Variants in ANKRD11 observed in about 807,000 individuals in gnomAD.
The protein encoded by ANKRD11 is ankyrin repeat domain 11, also known as ankyrin repeat domain-containing protein 11.
Under a neutral mutation model 195.7 loss-of-function variants are expected in ANKRD11, and 17 were observed. The observed-to-expected ratio is 0.09, with a 90% CI of 0.06 to 0.13. The LOEUF (loss-of-function observed/expected upper bound fraction) is 0.13. ANKRD11 is among the 10% of genes least tolerant of loss of function. ANKRD11 has a pLI of 1.00. For missense variants in ANKRD11, 3,735 were observed against 3,566.1 expected, an observed-to-expected ratio of 1.05 and a Z score of -1.21; for synonymous variants, 1,953 against 1,528.1, an observed-to-expected ratio of 1.28 and a Z score of -6.49.
Position 89,283,257 on chromosome 16 carries a change from G to A in ANKRD11, c.3285C>T (p.Ile1095=), listed in dbSNP as rs769162546. The A allele has an allele frequency of 6.2e-7, 1 of 1,614,078 alleles. No homozygotes were observed. Among genetic ancestry groups the A allele is most frequent in the Non-Finnish European group, 8.5e-7 (1 of 1,180,026 alleles). ...EKKEKAFPGI[I]SEDFSEKKDD... is the part of the protein sequence containing the mutation. ...CTTTTTTTTCAGAGAAGTCTTCTGA[G>A]ATGATCCCAGGGAAAGCCTTCTCCT... The change falls in exon 9 of 13, where the codon ATC becomes ATT. Residue 1095 remains isoleucine, a synonymous_variant. Transcript: ENST00000301030. The surrounding 1 kb of genome is among the most constrained non-coding windows in gnomAD (Gnocchi z 4.3).
chr16:89,299,610 C>A (rs2151842663), intron 4 of ANKRD11: 3 of 161,360 alleles, frequency 1.9e-5, no homozygotes, highest in South Asian at 6.3e-5. Context: ...GGGGTGCCTG[C>A]CCTGTGTGGG....
intron 2 of ANKRD11, among the ~76,000 whole-genome samples, chr16:89,364,769 C>T (rs1005275488): frequency 6.6e-6 from 1 of 152,238 alleles, no homozygotes; most frequent in Non-Finnish European, 1.5e-5. Flanking sequence ...CCCTGTCAGA[C>T]TGTAAACACT....
Position 89,355,521 on chromosome 16 carries a change from C to T in ANKRD11, c.-59-38443G>A, listed in dbSNP as rs571782218. 7.2e-5 allele frequency among the ~76,000 whole-genome samples: 11 copies of T among 152,296 alleles called. No individual in the cohort carries two copies. The South Asian group carries it at 1.9e-3, about 26-fold the overall frequency. On this transcript the variant is annotated intron_variant, in intron 2 of 12. Transcript: ENST00000301030. ...TCAGGGGTGAACGTGGCCCCATGTC[C>T]GGCACATGCTCTGCTCTGAACGCTC... is the stretch of plus-strand genomic sequence containing the variant.
chr16:89,295,984 C>CTTTTTTTTT (rs1567600671), intron 4 of ANKRD11, among the ~76,000 whole-genome samples: 1 of 18,232 alleles, frequency 5.5e-5, no homozygotes, highest in African/African-American at 3.3e-4. Flanking sequence ...TATCTGGCTG[C>CTTTTTTTTT]CTTTTTTTTT....
At chr16:89,375,599 G>A (rs1318331821) in intron 2 of ANKRD11, among the ~76,000 whole-genome samples, 1 of 151,752 alleles carries the variant, frequency 6.6e-6, no homozygotes, top group Admixed American at 6.6e-5. Context: ...GATTACAGGC[G>A]CCCGCCACCA....
In ANKRD11 at chr16:89,284,071, A is replaced by C. The variant is rs759397121; in HGVS notation, c.2471T>G (p.Leu824Arg). 6.2e-7 allele frequency: 1 copy of C among 1,614,134 alleles called. No homozygotes were observed. The highest frequency in any genetic ancestry group is 1.1e-5 in the South Asian group (1 of 91,080). ...FDEYCNKNQF[L>R]ENEDTKFSLS... ...GCTAAATTTGGTGTCTTCATTCTCC[A>C]GAAACTGATTTTTGTTACAATATTC... is the stretch of plus-strand genomic sequence containing the variant. The change falls in exon 9 of 13, where the codon CTG (leucine) becomes CGG (arginine). Residue 824 changes from leucine to arginine, a missense_variant. Coordinates refer to ENST00000301030, the MANE Select transcript of ANKRD11 (RefSeq NM_013275.6).
chr16:89,417,653 A>C (rs1166090897), intron 2 of ANKRD11, among the ~76,000 whole-genome samples: 1 of 152,184 alleles, frequency 6.6e-6, no homozygotes, highest in East Asian at 1.9e-4. Flanking sequence ...AGCCATCTAG[A>C]GGGTTCAGCA....
chr16:89,334,249 G>C (rs2038229807), intron 2 of ANKRD11, among the ~76,000 whole-genome samples: 1 of 150,038 alleles, frequency 6.7e-6, no homozygotes, highest in Non-Finnish European at 1.5e-5. Flanking sequence ...GCCTGGCCTA[G>C]CCCTCATCAA....
rs111947691 is a variant in ANKRD11 at position 89,273,566 on chromosome 16, G to C, written c.7713+1248C>G. On this transcript the variant is annotated intron_variant, in intron 11 of 12. Coordinates refer to ENST00000301030, the MANE Select transcript of ANKRD11 (RefSeq NM_013275.6). Reference sequence around the variant, plus strand: ...ACAAAAATCAGCCGGGCATGGTAGCGCATGCCTGTGATCCCAGCTACTCGG... The same window carrying C: ...ACAAAAATCAGCCGGGCATGGTAGCCCATGCCTGTGATCCCAGCTACTCGG... Among the ~76,000 whole-genome samples, 1,473 of 152,040 alleles carry C rather than the reference G, an allele frequency of 9.7e-3. 28 individuals carry two copies. Among genetic ancestry groups the C allele is most frequent in the African/African-American group, 0.034 (1,396 of 41,458 alleles).
intron 2 of ANKRD11, among the ~76,000 whole-genome samples, chr16:89,333,027 C>G (rs1222923168): frequency 6.6e-6 from 1 of 152,176 alleles, no homozygotes; most frequent in Non-Finnish European, 1.5e-5. Context: ...CGTGGTCCCC[C>G]AGAGTGACAG....
chr16:89,324,126 C>A, intron 2 of ANKRD11: 1 of 798,014 alleles, frequency 1.3e-6, no homozygotes, highest in Non-Finnish European at 1.7e-6. Flanking sequence ...CCCCACGGCA[C>A]AACGCTCTCT....
chr16:89,398,254 C>A (rs2041537430), intron 2 of ANKRD11, among the ~76,000 whole-genome samples: 1 of 151,676 alleles, frequency 6.6e-6, no homozygotes, highest in Non-Finnish European at 1.5e-5. Context: ...ATGAGGGACA[C>A]TGTGAAACAG....
At chr16:89,304,232 C>T (rs762041783) in intron 4 of ANKRD11, among the ~76,000 whole-genome samples, 1 of 152,212 alleles carries the variant, frequency 6.6e-6, no homozygotes, top group African/African-American at 2.4e-5. Flanking sequence ...GCTGACCCCA[C>T]CAGGAGCGTG....
At chr16:89,277,342 C>A (rs1429109719) in intron 9 of ANKRD11, 1 of 152,328 alleles carries the variant, frequency 6.6e-6, no homozygotes, top group Admixed American at 6.5e-5. Context: ...TCAGGCAGCA[C>A]CTGGCACCTG....
chr16:89,280,265 C>T lies in ANKRD11; in HGVS notation c.6277G>A (p.Glu2093Lys), dbSNP rs2034078146. The T allele has an allele frequency of 1.2e-6, 2 of 1,608,938 alleles. No individual in the cohort carries two copies. Among genetic ancestry groups the T allele is most frequent in the Non-Finnish European group, 1.7e-6 (2 of 1,179,284 alleles). ...CTATTTTCCAGGGGCCCCAGAGCCT[C>T]CACCTGAGCCACAGCGGCTACACAG... ...PACVAAVAQV[E>K]ALGPLENSFL... Residue 2093 changes from glutamate to lysine, a missense_variant, in exon 9 of 13, where the codon GAG becomes AAG. Glu to Lys is a moderately conservative substitution (Grantham distance 56). Transcript: ENST00000301030.
chr16:89,373,952 T>C (rs1324249913), intron 2 of ANKRD11, among the ~76,000 whole-genome samples: 1 of 152,254 alleles, frequency 6.6e-6, no homozygotes, highest in African/African-American at 2.4e-5. Flanking sequence ...CCAAGCGGGC[T>C]GGGGCCCTGG....
intron 1 of ANKRD11, among the ~76,000 whole-genome samples, chr16:89,427,838 A>G (rs1190370113): frequency 6.6e-6 from 1 of 152,136 alleles, no homozygotes; most frequent in East Asian, 1.9e-4. Flanking sequence ...GTTTTTCTAA[A>G]ATGATTATTT....
At chr16:89,410,025 G>C (rs553834725) in intron 2 of ANKRD11, among the ~76,000 whole-genome samples, 214 of 152,198 alleles carry the variant, frequency 1.4e-3, no homozygotes, top group Non-Finnish European at 2.1e-3. Flanking sequence ...ATTTTTAGTA[G>C]AGACGGGTTT....
At chr16:89,274,689 A>G in intron 11 of ANKRD11, 125 bp downstream of exon 11, 1 of 1,388,122 alleles carries the variant, frequency 7.2e-7, no homozygotes. Context: ...AGGACTCTGT[A>G]GCCCCTGCAA....
Sources: gnomAD v4.1 joint callset for allele counts (sites outside exome capture counted in the v4.1 genomes callset) on GRCh38, gnomAD v4.1.1 for gene constraint, Gnocchi (gnomAD v3.1) non-coding constraint, MANE v1.5 for transcripts, NCBI Gene and HGNC (gene_info 2026-07-23, HGNC 2026-07-21) for gene names.